The following LCMT1 variants were observed in gnomAD, a reference collection of about 807,000 sequenced individuals.
LCMT1 encodes [Phosphatase 2A protein]-leucine-carboxy methyltransferase 1.
LCMT1 carries 32 observed loss-of-function variants against 47.7 expected under a neutral mutation model. The ratio of observed to expected loss-of-function variants is 0.67; its 90% confidence interval spans 0.51 to 0.90. The LOEUF is 0.90. Among genes scored for constraint, LCMT1 ranks in the 40% least tolerant of loss-of-function variants. LCMT1 has a pLI of 0.00. For missense variants in LCMT1, 375 were observed against 415.2 expected (o/e 0.90, Z 0.84); for synonymous variants, 152 against 149.7 (o/e 1.02, Z -0.11).
At chr16:25,133,529 G>A (rs952483908) in intron 3 of LCMT1, among the ~76,000 whole-genome samples, 9 of 148,884 alleles carry the variant, frequency 6.0e-5, no homozygotes, top group African/African-American at 2.2e-4. Context: ...CTCCTGAATA[G>A]CTTGGACTAC....
At chr16:25,135,632 C>T (rs1960482446) in intron 3 of LCMT1, among the ~76,000 whole-genome samples, 1 of 152,154 alleles carries the variant, frequency 6.6e-6, no homozygotes. Context: ...CATGCACCTT[C>T]CAGCCGGAAT....
At chr16:25,177,857 C>T in intron 10 of LCMT1, 144 bp from the exon 11 acceptor site, 3 of 735,342 alleles carry the variant, frequency 4.1e-6, no homozygotes, top group South Asian at 3.2e-5. Flanking sequence ...CCTTGCGAAA[C>T]CTCATTTTAT....
chr16:25,156,660 A>C (rs1322317024), intron 5 of LCMT1, among the ~76,000 whole-genome samples: 1 of 152,168 alleles, frequency 6.6e-6, no homozygotes, highest in Non-Finnish European at 1.5e-5. Context: ...GAAAGATCAT[A>C]AAGCCGGCTG....
At chr16:25,162,118 C>G (rs868699323) in intron 6 of LCMT1, among the ~76,000 whole-genome samples, 4 of 152,090 alleles carry the variant, frequency 2.6e-5, no homozygotes. Context: ...GTTCCACTTT[C>G]GTGGGTGTCT....
chr16:25,132,663 C>T, intron 3 of LCMT1, 140 bp downstream of exon 3: 1 of 795,322 alleles, frequency 1.3e-6, no homozygotes, highest in Non-Finnish European at 1.9e-6. Context: ...TGCCTAGATG[C>T]CCCTACGACT....
intron 2 of LCMT1, among the ~76,000 whole-genome samples, chr16:25,131,606 C>G (rs559870630): frequency 5.9e-5 from 9 of 152,260 alleles, no homozygotes; most frequent in South Asian, 4.1e-4. Flanking sequence ...TTAAAATAGT[C>G]ACATACTGTT....
At chr16:25,128,592 A>G (rs1259552591) in intron 2 of LCMT1, 26 bp downstream of exon 2, 1 of 1,527,002 alleles carries the variant, frequency 6.5e-7, no homozygotes, top group Admixed American at 1.9e-5. Flanking sequence ...CCTCCCCAAC[A>G]GCACCTCATC....
intron 1 of LCMT1, among the ~76,000 whole-genome samples, chr16:25,120,303 A>AGCATCT (rs1959932008): frequency 6.6e-6 from 1 of 151,148 alleles, no homozygotes; most frequent in Non-Finnish European, 1.5e-5. Flanking sequence ...GGGTCACTGC[A>AGCATCT]ACCTCCGCCT....
intron 4 of LCMT1, among the ~76,000 whole-genome samples, chr16:25,150,747 TTAAG>T (rs753143543): frequency 6.6e-6 from 1 of 152,146 alleles, no homozygotes; most frequent in Non-Finnish European, 1.5e-5. Flanking sequence ...TGAGTAAACA[TTAAG>T]TGTTTCAGCT....
At chr16:25,165,382 TGCTCTCA>T (rs1320991026) in intron 7 of LCMT1, among the ~76,000 whole-genome samples, 1 of 152,222 alleles carries the variant, frequency 6.6e-6, no homozygotes, top group Non-Finnish European at 1.5e-5. Flanking sequence ...CCCTGGCTTG[TGCTCTCA>T]GCTATGTGAA....
intron 4 of LCMT1, among the ~76,000 whole-genome samples, chr16:25,150,254 CTT>C (rs1961031824): frequency 1.4e-5 from 2 of 145,210 alleles, no homozygotes; most frequent in African/African-American, 5.1e-5. Context: ...TGCCCAAAGT[CTT>C]TTATCTAGGA....
At chr16:25,154,282 A>T (rs2141686753) in intron 5 of LCMT1, among the ~76,000 whole-genome samples, 1 of 151,810 alleles carries the variant, frequency 6.6e-6, no homozygotes, top group African/African-American at 2.4e-5. Context: ...AAGTGCTGGG[A>T]TTACAGGCGT....
At chr16:25,124,377 C>T (rs940132762) in intron 1 of LCMT1, among the ~76,000 whole-genome samples, 1 of 152,146 alleles carries the variant, frequency 6.6e-6, no homozygotes, top group African/African-American at 2.4e-5. Context: ...GATTTAAATC[C>T]AGGTGAGTAA....
At chr16:25,137,935 G>T (rs1269087170) in intron 3 of LCMT1, among the ~76,000 whole-genome samples, 2 of 149,762 alleles carry the variant, frequency 1.3e-5, no homozygotes, top group African/African-American at 4.8e-5. Flanking sequence ...CTGCTATGCC[G>T]CACTCACCCC....
At chr16:25,157,152 G>T (rs1410363040) in intron 5 of LCMT1, among the ~76,000 whole-genome samples, 1 of 149,818 alleles carries the variant, frequency 6.7e-6, no homozygotes, top group East Asian at 1.9e-4. Flanking sequence ...ACCAGCACTT[G>T]TGTGTGTGTG....
intron 1 of LCMT1, among the ~76,000 whole-genome samples, chr16:25,125,708 T>C (rs988928909): frequency 6.6e-6 from 1 of 151,866 alleles, no homozygotes; most frequent in Non-Finnish European, 1.5e-5. Flanking sequence ...GGCGGGTGCC[T>C]GTAATCCCAG....
intron 1 of LCMT1, among the ~76,000 whole-genome samples, chr16:25,123,915 G>C (rs530301775): frequency 6.6e-6 from 1 of 152,176 alleles, no homozygotes; most frequent in East Asian, 1.9e-4. Context: ...GGCCTAATTT[G>C]CTTCCTTTCT....
chr16:25,122,977 G>A lies in LCMT1; in HGVS notation c.114-5498G>A, dbSNP rs73563412. Among the ~76,000 whole-genome samples the A allele has an allele frequency of 8.8e-3, 1,333 of 152,180 alleles. 26 individuals carry two copies. The highest frequency in any genetic ancestry group is 0.031 in the African/African-American group (1,278 of 41,530). ...AGAAGTTTTAAATCTTTGTGATGCA[G>A]AATCTGACAATCTTTACCTTTATAG... On this transcript the variant is annotated intron_variant, in intron 1 of 10. Transcript: ENST00000399069.
At chr16:25,124,406 A>G (rs1314345040) in intron 1 of LCMT1, among the ~76,000 whole-genome samples, 2 of 152,226 alleles carry the variant, frequency 1.3e-5, no homozygotes, top group African/African-American at 4.8e-5. Flanking sequence ...ACCTACATTA[A>G]ACCTTCAGTT....
Sources: gnomAD v4.1 joint callset for allele counts (sites outside exome capture counted in the v4.1 genomes callset) on GRCh38, gnomAD v4.1.1 for gene constraint, MANE v1.5 for transcripts, NCBI Gene and HGNC (gene_info 2026-07-23, HGNC 2026-07-21) for gene names.